The following USP10 variants were observed in gnomAD, a reference collection of about 807,000 sequenced individuals.
USP10 encodes ubiquitin carboxyl-terminal hydrolase 10.
A neutral mutation model predicts 84.5 loss-of-function variants in USP10; 22 were observed. The observed-to-expected ratio is 0.26, with a 90% CI of 0.19 to 0.37. USP10 has a LOEUF of 0.37. USP10 is among the 10% of genes least tolerant of loss of function. USP10 has a pLI of 1.00. For synonymous variants in USP10, 454 were observed against 387.6 expected, an observed-to-expected ratio of 1.17 and a Z score of -2.01; for missense variants, 1,019 against 998.9, an observed-to-expected ratio of 1.02 and a Z score of -0.27.
chr16:84,744,917 C>G lies in USP10; in HGVS notation c.436C>G (p.Gln146Glu). 6.2e-7 allele frequency: 1 copy of G among 1,613,472 alleles called. No homozygotes were observed. The highest frequency in any genetic ancestry group is 8.5e-7 in the Non-Finnish European group (1 of 1,179,672). ...ENDGVSGGLG[Q>E]RERKKKKKRP... ...TGATGGTGTCTCAGGTGGTCTTGGA[C>G]AAAGGGAGCGTAAAAAGAAGAAAAA... is the stretch of plus-strand genomic sequence containing the variant. Residue 146 changes from glutamine to glutamate, a missense_variant, in exon 4 of 14, where the codon CAA becomes GAA. Gln to Glu is a conservative substitution (Grantham distance 29). This residue lies in a region of USP10 where 787 missense variants were observed against 708.8 expected (regional missense o/e 1.11). Coordinates refer to ENST00000219473, the MANE Select transcript of USP10 (RefSeq NM_005153.3).
chr16:84,774,497 T>TTCTTTGAGACAGAG (rs77818365), intron 12 of USP10, among the ~76,000 whole-genome samples: 13 of 150,342 alleles, frequency 8.6e-5, no homozygotes, highest in South Asian at 2.1e-4. Flanking sequence ...GTTTGTTTTT[T>TTCTTTGAGACAGAG]TCTTGCTCTG....
intron 4 of USP10, among the ~76,000 whole-genome samples, chr16:84,756,942 G>A (rs1912609760): frequency 6.6e-6 from 1 of 152,172 alleles, no homozygotes; most frequent in Admixed American, 6.5e-5. Context: ...TTTAAGTGAA[G>A]CCCCTTATAT....
At chr16:84,768,121 C>T in intron 10 of USP10, 72 bp from the exon 11 acceptor site, 61 of 1,434,006 alleles carry the variant, frequency 4.3e-5, no homozygotes, top group South Asian at 1.9e-4. Context: ...GTGTTTATTC[C>T]CTTGGTTAAT....
chr16:84,716,725 C>T (rs1372277283), intron 1 of USP10, among the ~76,000 whole-genome samples: 1 of 152,106 alleles, frequency 6.6e-6, no homozygotes, highest in Non-Finnish European at 1.5e-5. Flanking sequence ...GGTGCACGAC[C>T]TTCGGCAAGG....
rs559171322 is a variant in USP10, at chr16:84,741,642, A to G, written c.151+1273A>G. On this transcript the variant is annotated intron_variant, in intron 3 of 13. Transcript: ENST00000219473. ...GACTGCTTCTTGGCCCTTTTTCTCC[A>G]TTCTTTACTCTGTTCCCTCTAAGTC... is the stretch of plus-strand genomic sequence containing the variant. Among the ~76,000 whole-genome samples the G allele has an allele frequency of 7.4e-4, 111 of 150,766 alleles. 1 individual carries two copies. Among genetic ancestry groups the G allele is most frequent in the South Asian group, 1.9e-3 (9 of 4,760 alleles).
intron 1 of USP10, among the ~76,000 whole-genome samples, chr16:84,702,045 CTTTTTTTTTTTTTTT>C (rs1168917308): frequency 4.0e-4 from 17 of 42,632 alleles, no homozygotes; most frequent in African/African-American, 1.5e-3. Flanking sequence ...GAGTTTCGCT[CTTTTTTTTTTTTTTT>C]TTTTTTTTTT....
Position 84,744,729 on chromosome 16 carries a change from T to G in USP10, c.248T>G (p.Leu83Arg). ...CCCAGCTACAGTATTTCAAGCACAC[T>G]GAACCCTCAGGCCCCTGAATTTATT... is the stretch of plus-strand genomic sequence containing the variant. ...RTPSYSISST[L>R]NPQAPEFILG... The change falls in exon 4 of 14, where the codon CTG becomes CGG. Residue 83 changes from leucine to arginine, a missense_variant. Leu to Arg is a moderately radical substitution (Grantham distance 102). Coordinates refer to ENST00000219473, the MANE Select transcript of USP10 (RefSeq NM_005153.3). 6.2e-7 allele frequency: 1 copy of G among 1,613,726 alleles called. No individual in the cohort carries two copies. The highest frequency in any genetic ancestry group is 8.5e-7 in the Non-Finnish European group (1 of 1,179,722).
At chr16:84,725,204 T>A (rs1908301912) in intron 1 of USP10, among the ~76,000 whole-genome samples, 1 of 152,062 alleles carries the variant, frequency 6.6e-6, no homozygotes, top group African/African-American at 2.4e-5. Flanking sequence ...GCTCCCCCAT[T>A]CTCCTCTCCT....
intron 1 of USP10, among the ~76,000 whole-genome samples, chr16:84,711,615 C>G (rs1006848546): frequency 1.1e-4 from 16 of 152,078 alleles, no homozygotes; most frequent in African/African-American, 3.6e-4. Context: ...TGCTTCTTAC[C>G]TCTTTGCTCT....
intron 1 of USP10, among the ~76,000 whole-genome samples, chr16:84,727,073 G>C (rs1908586981): frequency 1.3e-5 from 2 of 152,154 alleles, no homozygotes; most frequent in Admixed American, 6.5e-5. Flanking sequence ...GGGCCTCCAG[G>C]TACCTGCTTT....
chr16:84,732,811 A>C (rs1290218532), intron 1 of USP10, among the ~76,000 whole-genome samples: 1 of 152,194 alleles, frequency 6.6e-6, no homozygotes, highest in Non-Finnish European at 1.5e-5. Flanking sequence ...CCAGACTCAC[A>C]TCCGTGCAGT....
intron 10 of USP10, 79 bp downstream of exon 10, chr16:84,764,342 C>A: frequency 6.3e-7 from 1 of 1,581,636 alleles, no homozygotes; most frequent in Non-Finnish European, 8.6e-7. Context: ...AGGTGTGAGG[C>A]TTGTTTTGAG....
intron 2 of USP10, among the ~76,000 whole-genome samples, chr16:84,735,707 T>C (rs565986793): frequency 6.6e-6 from 1 of 152,186 alleles, no homozygotes; most frequent in Non-Finnish European, 1.5e-5. Context: ...CTGTGTCTCA[T>C]GAAAATGAGC....
chr16:84,758,888 C>T (rs1912886495), intron 5 of USP10, 81 bp downstream of exon 5: 1 of 982,856 alleles, frequency 1.0e-6, no homozygotes, highest in South Asian at 1.3e-5. Context: ...AGCTCAGCTT[C>T]CGTGGGCCAT....
intron 10 of USP10, among the ~76,000 whole-genome samples, chr16:84,764,696 T>C (rs1913623454): frequency 6.6e-6 from 1 of 151,936 alleles, no homozygotes. Context: ...CCAGGTGTGG[T>C]GACAGGCACC....
In USP10 at chr16:84,745,117, C is replaced by G; in HGVS notation, c.636C>G (p.Pro212=). The part of the protein sequence containing the change: ...PSVTPRTCNS[P]QNSTDSVSDI... ...TTACGCCCAGGACTTGTAACAGCCC[C>G]CAGAACTCCACAGACTCTGTCAGTG... is the stretch of plus-strand genomic sequence containing the variant. Residue 212 remains proline (P), a synonymous_variant, in exon 4 of 14, where the codon CCC becomes CCG. Transcript: ENST00000219473. The G allele has an allele frequency of 6.2e-7, 1 of 1,613,478 alleles. No individual in the cohort carries two copies. Among genetic ancestry groups the G allele is most frequent in the Non-Finnish European group, 8.5e-7 (1 of 1,179,620 alleles).
At chr16:84,771,809 A>G (rs1457798209) in intron 11 of USP10, among the ~76,000 whole-genome samples, 1 of 152,178 alleles carries the variant, frequency 6.6e-6, no homozygotes, top group Non-Finnish European at 1.5e-5. Context: ...CGGATGTTGC[A>G]GTGAGCGCAG....
rs1313161315 is a variant in USP10, at chr16:84,700,268, C to T, written c.21+157C>T. Among the ~76,000 whole-genome samples the T allele has an allele frequency of 2.6e-5, 4 of 151,298 alleles. No homozygotes were observed. In the East Asian group the frequency reaches 7.8e-4, roughly 29 times the overall value. Reference sequence around the variant, plus strand: ...CCGGGCCTAGGCCGGAGCCACCCGCCGCCTCCGCGCCCGCCGCGCCTTCGT... The same window carrying T: ...CCGGGCCTAGGCCGGAGCCACCCGCTGCCTCCGCGCCCGCCGCGCCTTCGT... On this transcript the variant is annotated intron_variant, in intron 1 of 13. Transcript: ENST00000219473.
intron 13 of USP10, among the ~76,000 whole-genome samples, chr16:84,778,573 T>C (rs115622199): frequency 0.02 from 3,081 of 152,302 alleles, 81 homozygotes; most frequent in African/African-American, 0.062. Context: ...GCCAGGTCTG[T>C]AGGCCTGTAC....
Sources: allele counts gnomAD v4.1 joint callset (sites outside exome capture counted in the v4.1 genomes callset), GRCh38; gene constraint gnomAD v4.1.1; regional missense constraint gnomAD v4.1.1; transcripts MANE v1.5; gene names NCBI Gene and HGNC (gene_info 2026-07-23, HGNC 2026-07-21).